Variants in HDAC4 observed in about 807,000 individuals in gnomAD.
HDAC4 encodes histone deacetylase A.
A neutral mutation model predicts 135.1 loss-of-function variants in HDAC4; 16 were observed. The observed-to-expected ratio is 0.12, with a 90% CI of 0.08 to 0.18. HDAC4 has a LOEUF of 0.18. HDAC4 is among the 10% of genes least tolerant of loss of function. The probability of loss-of-function intolerance (pLI) is 1.00; values close to 1 mark genes in which losing one functional copy is unlikely to be tolerated. For missense variants in HDAC4, 1,143 were observed against 1,511.8 expected (o/e 0.76, Z 4.05); for synonymous variants, 685 against 653.4 (o/e 1.05, Z -0.74).
rs1190989151 is a variant in HDAC4 at position 239,295,008 on chromosome 2, T to C, written c.22+57670A>G. Among the ~76,000 whole-genome samples, 8 of 152,148 alleles carry C rather than the reference T, an allele frequency of 5.3e-5. No homozygotes were observed. In the East Asian group the frequency reaches 1.2e-3, roughly 22 times the overall value. On this transcript the variant is annotated intron_variant, in intron 2 of 26. Coordinates refer to ENST00000543185, the MANE Select transcript of HDAC4 (RefSeq NM_001378414.1). The stretch of plus-strand genomic sequence containing the variant: ...ACAGCTGCTAAGGGTTTTTTAATAA[T>C]GTGAAAAGATGATTATAGGCCGGGC...
chr2:239,172,681 C>A (rs2043528935), intron 5 of HDAC4, among the ~76,000 whole-genome samples: 1 of 152,008 alleles, frequency 6.6e-6, no homozygotes, highest in South Asian at 2.1e-4. Flanking sequence ...CAACAAACAA[C>A]ATCCATAAAG....
At position 239,093,015 on chromosome 2, in the gene HDAC4, G is replaced by A. The variant is rs568187586; in HGVS notation, c.2280+1995C>T. Among the ~76,000 whole-genome samples, 116 of 152,314 alleles carry A rather than the reference G, an allele frequency of 7.6e-4. 1 individual carries two copies. The highest frequency in any genetic ancestry group is 2.6e-3 in the African/African-American group (109 of 41,578). ...AAAAGGGACATGCCGAGGGCTGGCA[G>A]GGCTGGGAGGCCTTTGGGAAGCTCA... is the stretch of plus-strand genomic sequence containing the variant. On this transcript the variant is annotated intron_variant, in intron 17 of 26. Coordinates refer to ENST00000543185, the MANE Select transcript of HDAC4 (RefSeq NM_001378414.1).
chr2:239,056,614 A>G lies in HDAC4; in HGVS notation c.3004-1781T>C, dbSNP rs538220173. Among the ~76,000 whole-genome samples the G allele has an allele frequency of 2.6e-5, 4 of 152,354 alleles. No homozygotes were observed. In the South Asian group the frequency reaches 6.2e-4, roughly 24 times the overall value. On this transcript the variant is annotated intron_variant, in intron 24 of 26. Coordinates refer to ENST00000543185, the MANE Select transcript of HDAC4 (RefSeq NM_001378414.1). Reference sequence around the variant, plus strand: ...AATACACACACAGGGGAGCAGAGACAACTCCTTGAGCATTTCAAATAATGC... The same window carrying G: ...AATACACACACAGGGGAGCAGAGACGACTCCTTGAGCATTTCAAATAATGC...
intron 22 of HDAC4, among the ~76,000 whole-genome samples, chr2:239,072,839 T>C (rs142435178): frequency 1.3e-5 from 2 of 152,288 alleles, no homozygotes; most frequent in East Asian, 3.9e-4. Context: ...TATTGAAAAG[T>C]TCCTCTGATT....
At chr2:239,202,428 C>T (rs895798688) in intron 3 of HDAC4, among the ~76,000 whole-genome samples, 2 of 152,176 alleles carry the variant, frequency 1.3e-5, no homozygotes, top group African/African-American at 4.8e-5. Context: ...GGGGCGTAGA[C>T]TTGGGTGGGG....
intron 10 of HDAC4, 26 bp from the exon 11 acceptor site, chr2:239,134,469 G>C (rs1220443065): frequency 1.2e-6 from 2 of 1,613,782 alleles, no homozygotes; most frequent in Non-Finnish European, 1.7e-6. Flanking sequence ...AGGATGCTCG[G>C]GTGGAAGGAC....
intron 3 of HDAC4, among the ~76,000 whole-genome samples, chr2:239,208,138 C>G (rs1026105545): frequency 5.3e-5 from 8 of 150,746 alleles, no homozygotes; most frequent in Non-Finnish European, 1.0e-4. Context: ...CTGGCTAACA[C>G]GGTGAAACCC....
At chr2:239,267,646 G>T (rs1160056268) in intron 2 of HDAC4, among the ~76,000 whole-genome samples, 1 of 152,282 alleles carries the variant, frequency 6.6e-6, no homozygotes, top group African/African-American at 2.4e-5. Flanking sequence ...AGGCAGACCT[G>T]GAGGGCTCCA....
intron 3 of HDAC4, among the ~76,000 whole-genome samples, chr2:239,199,083 C>T (rs2045587943): frequency 7.0e-6 from 1 of 143,118 alleles, no homozygotes; most frequent in Non-Finnish European, 1.5e-5. Flanking sequence ...TTTTAAGACC[C>T]CTTCCCCTGA....
rs193125164 is a variant in HDAC4 at position 239,240,025 on chromosome 2, G to A, written c.23-3361C>T. On this transcript the variant is annotated intron_variant, in intron 2 of 26. Coordinates refer to ENST00000543185, the MANE Select transcript of HDAC4 (RefSeq NM_001378414.1). The surrounding 1 kb of genome is among the most constrained non-coding windows in gnomAD (Gnocchi z 4.5). Reference sequence around the variant, plus strand: ...ATCCCGGCCTGAGCCGTCCTTGGTCGTCCACCTGGACAGCATGACAGATGC... The same window carrying A: ...ATCCCGGCCTGAGCCGTCCTTGGTCATCCACCTGGACAGCATGACAGATGC... Among the ~76,000 whole-genome samples, 12 of 152,350 alleles carry A rather than the reference G, an allele frequency of 7.9e-5. No homozygotes were observed. Among genetic ancestry groups the A allele is most frequent in the African/African-American group, 2.4e-5 (1 of 41,588 alleles).
chr2:239,190,233 G>A (rs1157650294), intron 3 of HDAC4, among the ~76,000 whole-genome samples, 156 bp from the exon 4 acceptor site: 2 of 151,246 alleles, frequency 1.3e-5, no homozygotes, highest in African/African-American at 4.9e-5. Flanking sequence ...TCCCCCTCTT[G>A]CCCAACAAAC....
intron 2 of HDAC4, among the ~76,000 whole-genome samples, chr2:239,317,754 T>C (rs2053167256): frequency 6.6e-6 from 1 of 152,204 alleles, no homozygotes. Context: ...CACAGGTTCT[T>C]GGAAACCGCA....
chr2:239,239,100 G>A (rs539991280), intron 2 of HDAC4, among the ~76,000 whole-genome samples: 4 of 152,274 alleles, frequency 2.6e-5, no homozygotes, highest in African/African-American at 9.6e-5. Context: ...GGCGTCCAAT[G>A]ATCCAGTTCC....
intron 21 of HDAC4, 76 bp from the exon 22 acceptor site, chr2:239,081,268 G>A (rs2035294983): frequency 1.6e-6 from 2 of 1,282,380 alleles, no homozygotes; most frequent in African/African-American, 1.5e-5. Context: ...TGATGCAGGT[G>A]GCACCGGGAT....
Position 239,374,181 on chromosome 2 carries a change from CA to C in HDAC4, c.-219-21264del, listed in dbSNP as rs138266713. Among the ~76,000 whole-genome samples the C allele has an allele frequency of 5.3e-3, 804 of 152,244 alleles. 13 individuals carry two copies. Among genetic ancestry groups the C allele is most frequent in the African/African-American group, 0.018 (757 of 41,536 alleles). On this transcript the variant is annotated intron_variant, in intron 1 of 26. Coordinates refer to ENST00000543185, the MANE Select transcript of HDAC4 (RefSeq NM_001378414.1). The stretch of plus-strand genomic sequence containing the variant: ...GCCTGGAACTTCAGCCGGTGAACAG[CA>C]GAACAAAACTGCACAGAGGACCTGG...
At chr2:239,276,963 CGA>C (rs976854923) in intron 2 of HDAC4, among the ~76,000 whole-genome samples, 7 of 152,172 alleles carry the variant, frequency 4.6e-5, no homozygotes, top group African/African-American at 1.7e-4. Flanking sequence ...GAACACCATT[CGA>C]GAGTCAGCTG....
intron 1 of HDAC4, among the ~76,000 whole-genome samples, chr2:239,381,471 A>G (rs1695409379): frequency 6.6e-6 from 1 of 152,196 alleles, no homozygotes; most frequent in South Asian, 2.1e-4. Context: ...TTTTATTCAC[A>G]TGCAAAAAAA....
intron 3 of HDAC4, among the ~76,000 whole-genome samples, chr2:239,220,650 C>T (rs970299709): frequency 1.3e-5 from 2 of 152,166 alleles, no homozygotes; most frequent in Non-Finnish European, 1.5e-5. Flanking sequence ...ATAATAAACA[C>T]CCACGTATCC....
chr2:239,085,857 C>T (rs1346634924), intron 19 of HDAC4: 1 of 149,182 alleles, frequency 6.7e-6, no homozygotes, highest in Non-Finnish European at 1.5e-5. Flanking sequence ...ACGAAGGAGA[C>T]TCTGCTCTAA....
Sources: allele counts gnomAD v4.1 joint callset (sites outside exome capture counted in the v4.1 genomes callset), GRCh38; gene constraint gnomAD v4.1.1; non-coding constraint Gnocchi (gnomAD v3.1); transcripts MANE v1.5; gene names NCBI Gene and HGNC (gene_info 2026-07-23, HGNC 2026-07-21).